SSPN: variants seen among roughly 807,000 people sequenced by gnomAD.
SSPN encodes K-ras oncogene-associated protein.
In SSPN, 15 loss-of-function variants were observed where a neutral mutation model predicts 19.1. The observed-to-expected ratio is 0.78, with a 90% CI of 0.52 to 1.21. The LOEUF (loss-of-function observed/expected upper bound fraction) is 1.21. Ranked by LOEUF, SSPN falls within the 50% of genes most tolerant of loss-of-function variation. The pLI is 0.00. For synonymous variants in SSPN, 147 were observed against 140.3 expected, an observed-to-expected ratio of 1.05 and a Z score of -0.34; for missense variants, 291 against 314.0, an observed-to-expected ratio of 0.93 and a Z score of 0.55.
chr12:26,165,160 C>T (rs538760436), intron 1 of SSPN, among the ~76,000 whole-genome samples: 29 of 152,234 alleles, frequency 1.9e-4, no homozygotes, highest in Non-Finnish European at 3.1e-4. Context: ...AGGAAGTATA[C>T]CTTTTTCATA....
intron 1 of SSPN, among the ~76,000 whole-genome samples, chr12:26,221,934 A>C (rs1945126021): frequency 6.6e-6 from 1 of 152,214 alleles, no homozygotes; most frequent in Admixed American, 6.5e-5. Context: ...ATAAATAGTA[A>C]ACCCCTACAG....
At chr12:26,194,601 G>T (rs1944809905), upstream of SSPN, among the ~76,000 whole-genome samples, 1 of 152,222 alleles carries the variant, frequency 6.6e-6, no homozygotes, top group African/African-American at 2.4e-5. Flanking sequence ...GGCCAGGCTA[G>T]TCTTGAACTC....
In SSPN at chr12:26,148,800, G is replaced by A. The variant is rs1405195911; in HGVS notation, c.-31+26648G>A. ...TCTTGAAAATAAATGAAGATGTTAC[G>A]AGAATTACAGTGGACAAAATGCTGC... On this transcript the variant is annotated intron_variant, in intron 1 of 2. Coordinates refer to the SSPN transcript ENST00000538142. Among the ~76,000 whole-genome samples, 6 of 152,066 alleles carry A rather than the reference G, an allele frequency of 3.9e-5. No homozygotes were observed. The East Asian group carries it at 5.8e-4, about 15-fold the overall frequency.
intron 1 of SSPN, among the ~76,000 whole-genome samples, chr12:26,142,903 G>A (rs1944468983): frequency 6.6e-6 from 1 of 152,160 alleles, no homozygotes; most frequent in Admixed American, 6.5e-5. Flanking sequence ...GATTTCCAAT[G>A]TCACCTCTTC....
At chr12:26,166,310 C>G (rs1223149475) in intron 1 of SSPN, among the ~76,000 whole-genome samples, 1 of 152,204 alleles carries the variant, frequency 6.6e-6, no homozygotes, top group Non-Finnish European at 1.5e-5. Flanking sequence ...CCAAAGGTAA[C>G]AGCAAGGGTA....
chr12:26,122,479 G>T, intron 1 of SSPN: 1 of 1,341,426 alleles, frequency 7.5e-7, no homozygotes. Flanking sequence ...AGGCAGAAGG[G>T]GGCCGCGGCG....
At chr12:26,193,742 G>T (rs531063457), upstream of SSPN, among the ~76,000 whole-genome samples, 2 of 152,178 alleles carry the variant, frequency 1.3e-5, no homozygotes, top group African/African-American at 4.8e-5. Context: ...GTAAGAGTGA[G>T]TGCTATTTCT....
In SSPN at chr12:26,122,883, A is replaced by G. The variant is rs1032425202; in HGVS notation, c.-31+731A>G. 68 of 1,553,828 alleles carry G rather than the reference A, an allele frequency of 4.4e-5. No homozygotes were observed. Among genetic ancestry groups the G allele is most frequent in the Non-Finnish European group, 5.5e-5 (63 of 1,149,524 alleles). ...GGGCACGCAGTAGGCGAGGGGCTCCAGCTTCTGCCCCGCGCGCTCCAGGCA... is the reference window on the plus strand; with the variant it reads ...GGGCACGCAGTAGGCGAGGGGCTCCGGCTTCTGCCCCGCGCGCTCCAGGCA... On this transcript the variant is annotated intron_variant, in intron 1 of 2. Coordinates refer to the SSPN transcript ENST00000538142.
At chr12:26,229,240 A>C (rs1334698290) in intron 2 of SSPN, among the ~76,000 whole-genome samples, 1 of 152,132 alleles carries the variant, frequency 6.6e-6, no homozygotes, top group Non-Finnish European at 1.5e-5. Context: ...TATTAAGAAA[A>C]AAATGGCTTT....
At chr12:26,138,170 T>C (rs1005902220) in intron 1 of SSPN, among the ~76,000 whole-genome samples, 2 of 152,188 alleles carry the variant, frequency 1.3e-5, no homozygotes, top group Admixed American at 1.3e-4. Context: ...ACATAAACAC[T>C]ATATAAACAC....
At chr12:26,204,913 A>G (rs1399008811) in intron 1 of SSPN, among the ~76,000 whole-genome samples, 8 of 152,212 alleles carry the variant, frequency 5.3e-5, no homozygotes, top group African/African-American at 1.7e-4. Flanking sequence ...GGGATACTGT[A>G]AGCTCTCCAG....
chr12:26,201,009 G>GTATATATATATATATATATATTA (rs1555179502), intron 1 of SSPN, among the ~76,000 whole-genome samples: 8 of 47,388 alleles, frequency 1.7e-4, no homozygotes, highest in African/African-American at 5.9e-4. Flanking sequence ...AAGTTAATTT[G>GTATATATATATATATATATATTA]TGTATATATA....
chr12:26,148,602 T>C (rs1944507264), intron 1 of SSPN, among the ~76,000 whole-genome samples: 1 of 152,182 alleles, frequency 6.6e-6, no homozygotes, highest in African/African-American at 2.4e-5. Context: ...TTCTATAATA[T>C]TTTAACCCAG....
At chr12:26,122,592 T>A in intron 1 of SSPN, 1 of 1,111,028 alleles carries the variant, frequency 9.0e-7, no homozygotes, top group Non-Finnish European at 1.1e-6. Flanking sequence ...GGCGGCAGGG[T>A]CGGGCCCCAG....
intron 1 of SSPN, among the ~76,000 whole-genome samples, chr12:26,222,350 G>A (rs143616502): frequency 6.6e-6 from 1 of 152,318 alleles, no homozygotes; most frequent in African/African-American, 2.4e-5. Context: ...GCAGCTTATT[G>A]ATTATGTAAC....
intron 1 of SSPN, among the ~76,000 whole-genome samples, chr12:26,208,020 G>C (rs926977637): frequency 1.6e-4 from 7 of 43,374 alleles, no homozygotes; most frequent in South Asian, 1.6e-3. Context: ...GGTGGTGGTG[G>C]GGGGGGGGGA....
chr12:26,140,186 A>C (rs543338371), intron 1 of SSPN, among the ~76,000 whole-genome samples: 6 of 152,278 alleles, frequency 3.9e-5, no homozygotes, highest in African/African-American at 1.2e-4. Flanking sequence ...AACTGTATGA[A>C]ATCATGACCA....
At chr12:26,162,314 G>T (rs1467950096) in intron 1 of SSPN, among the ~76,000 whole-genome samples, 1 of 152,150 alleles carries the variant, frequency 6.6e-6, no homozygotes, top group Non-Finnish European at 1.5e-5. Flanking sequence ...GCTCAACAGG[G>T]CTTCAAGATA....
rs753565505 is a variant in SSPN, at chr12:26,122,813, G to C, written c.-31+661G>C. On this transcript the variant is annotated intron_variant, in intron 1 of 2. Coordinates refer to the SSPN transcript ENST00000538142. The stretch of plus-strand genomic sequence containing the variant: ...CGTAGCCGCTGTCGGTGTCCGTGTC[G>C]TTCTCGGCGGCGAGCTCGGCGCTGG... 1.4e-5 allele frequency: 23 copies of C among 1,590,070 alleles called. No individual in the cohort carries two copies. Among genetic ancestry groups the C allele is most frequent in the Non-Finnish European group, 1.6e-5 (19 of 1,172,822 alleles).
Sources: allele counts gnomAD v4.1 joint callset (sites outside exome capture counted in the v4.1 genomes callset), GRCh38; gene constraint gnomAD v4.1.1; transcripts MANE v1.5; gene names NCBI Gene and HGNC (gene_info 2026-07-23, HGNC 2026-07-21).